Variants in PLEKHM3 observed in about 807,000 individuals in gnomAD.
PLEKHM3 encodes pleckstrin homology domain containing M3, also known as pleckstrin homology domain-containing family M member 3.
Under a neutral mutation model 81.8 loss-of-function variants are expected in PLEKHM3, and 45 were observed. The ratio of observed to expected loss-of-function variants is 0.55; its 90% CI spans 0.43 to 0.71. The LOEUF (loss-of-function observed/expected upper bound fraction) is 0.71. Among genes scored for constraint, PLEKHM3 ranks in the 30% least tolerant of loss-of-function variants. The probability of loss-of-function intolerance (pLI) is 0.00; values close to 1 mark genes in which losing one functional copy is unlikely to be tolerated. For synonymous variants in PLEKHM3, 352 were observed against 356.4 expected, an observed-to-expected ratio of 0.99 and a Z score of 0.14; for missense variants, 788 against 924.3, an observed-to-expected ratio of 0.85 and a Z score of 1.91.
chr2:208,018,694 C>A (rs1253276253), intron 1 of PLEKHM3, among the ~76,000 whole-genome samples: 1 of 152,150 alleles, frequency 6.6e-6, no homozygotes, highest in East Asian at 1.9e-4. Flanking sequence ...CAGTCTTACC[C>A]TCCTCTAATC....
chr2:207,864,058 T>C (rs941422795), intron 6 of PLEKHM3, among the ~76,000 whole-genome samples: 8 of 152,076 alleles, frequency 5.3e-5, no homozygotes, highest in African/African-American at 9.7e-5. Flanking sequence ...AGCTGTGTTT[T>C]TGCATTTGAA....
intron 1 of PLEKHM3, among the ~76,000 whole-genome samples, chr2:208,008,065 A>G (rs1574487671): frequency 6.6e-6 from 1 of 151,700 alleles, no homozygotes; most frequent in Non-Finnish European, 1.5e-5. Context: ...AAATAAATAA[A>G]TAAATAAAAC....
At chr2:207,832,812 G>GA (rs971344984) in intron 7 of PLEKHM3, among the ~76,000 whole-genome samples, 4 of 140,614 alleles carry the variant, frequency 2.8e-5, no homozygotes, top group African/African-American at 1.1e-4. Context: ...CCCCACACCA[G>GA]AAAAAAAAGA....
chr2:207,885,965 T>C (rs981901243), intron 6 of PLEKHM3, among the ~76,000 whole-genome samples: 2 of 152,136 alleles, frequency 1.3e-5, no homozygotes, highest in South Asian at 4.1e-4. Flanking sequence ...CTGGGAAGAA[T>C]CATATCTGAG....
At chr2:207,993,750 T>G (rs1326951317) in intron 2 of PLEKHM3, among the ~76,000 whole-genome samples, 1 of 152,130 alleles carries the variant, frequency 6.6e-6, no homozygotes, top group Non-Finnish European at 1.5e-5. Context: ...GATGAAAATG[T>G]GAACACAGTC....
chr2:208,015,239 G>A (rs1214899115), intron 1 of PLEKHM3, among the ~76,000 whole-genome samples: 2 of 152,168 alleles, frequency 1.3e-5, no homozygotes, highest in Non-Finnish European at 2.9e-5. Context: ...TGGTCAGTGA[G>A]TAGAAACAAG....
chr2:207,884,891 T>C (rs1199287303), intron 6 of PLEKHM3, among the ~76,000 whole-genome samples: 1 of 152,230 alleles, frequency 6.6e-6, no homozygotes, highest in Non-Finnish European at 1.5e-5. Flanking sequence ...TCCAGGTCCC[T>C]TTGGAGTGGA....
intron 6 of PLEKHM3, among the ~76,000 whole-genome samples, chr2:207,904,374 A>G (rs989074674): frequency 2.0e-5 from 3 of 152,154 alleles, no homozygotes; most frequent in Non-Finnish European, 1.5e-5. Flanking sequence ...CCTGTGTCTT[A>G]TGCTTCTTCC....
intron 3 of PLEKHM3, among the ~76,000 whole-genome samples, chr2:207,948,200 C>T (rs906029821): frequency 6.6e-6 from 1 of 152,160 alleles, no homozygotes; most frequent in African/African-American, 2.4e-5. Context: ...CATCTTGCCA[C>T]AGTCACAGGG....
Position 207,865,797 on chromosome 2 carries a change from AAAAAAGATATATATAT to A in PLEKHM3, c.1951-4551_1951-4536del, listed in dbSNP as rs1412163181. On this transcript the variant is annotated intron_variant, in intron 6 of 7. Transcript: ENST00000427836. The stretch of plus-strand genomic sequence containing the variant: ...ACTCCGACTCAAAAAAAAAAAAAAA[AAAAAAGATATATATAT>A]ATATATATATATATATATATATATA... Among the ~76,000 whole-genome samples the A allele has an allele frequency of 1.0e-3, 40 of 38,112 alleles. 3 individuals are homozygous for A. Among genetic ancestry groups the A allele is most frequent in the African/African-American group, 5.2e-3 (39 of 7,442 alleles). 25.0% of individuals were successfully genotyped at this position (38,112 alleles called of 152,430 possible). A position where few individuals can be genotyped will look rare whatever the true frequency, so the allele number is the denominator to read the frequency against.
chr2:207,985,131 C>T (rs1409142161), intron 2 of PLEKHM3, among the ~76,000 whole-genome samples: 1 of 152,012 alleles, frequency 6.6e-6, no homozygotes, highest in Non-Finnish European at 1.5e-5. Context: ...CCACTCTTAA[C>T]TCCACCATCT....
At chr2:207,904,212 C>A (rs1051167774) in intron 6 of PLEKHM3, among the ~76,000 whole-genome samples, 2 of 152,074 alleles carry the variant, frequency 1.3e-5, no homozygotes, top group African/African-American at 2.4e-5. Flanking sequence ...GCAGTACCTT[C>A]TGTTAAAGTT....
rs117852780 is a variant in PLEKHM3 at position 207,911,846 on chromosome 2, A to G, written c.1887-3269T>C. 4.6e-5 allele frequency among the ~76,000 whole-genome samples: 7 copies of G among 152,342 alleles called. No individual in the cohort carries two copies. In the East Asian group the frequency reaches 1.3e-3, roughly 29 times the overall value. ...TGGAGAAAGAGTTAAAAGGAAGATGAAATGATTTACGGCAGGGACAAATGC... is the reference window on the plus strand; with the variant it reads ...TGGAGAAAGAGTTAAAAGGAAGATGGAATGATTTACGGCAGGGACAAATGC... On this transcript the variant is annotated intron_variant, in intron 5 of 7. Coordinates refer to ENST00000427836, the MANE Select transcript of PLEKHM3 (RefSeq NM_001080475.3).
intron 1 of PLEKHM3, among the ~76,000 whole-genome samples, chr2:208,017,514 C>T (rs148213512): frequency 5.3e-5 from 8 of 152,166 alleles, no homozygotes; most frequent in South Asian, 2.1e-4. Flanking sequence ...GATTCAGTGG[C>T]GCAAGTGTTG....
At chr2:207,919,891 A>G (rs1689124480) in intron 5 of PLEKHM3, among the ~76,000 whole-genome samples, 1 of 152,160 alleles carries the variant, frequency 6.6e-6, no homozygotes, top group Non-Finnish European at 1.5e-5. Context: ...CTGGTCTAAG[A>G]GCAGAGTAAG....
intron 6 of PLEKHM3, among the ~76,000 whole-genome samples, chr2:207,886,851 C>A (rs895056178): frequency 3.3e-5 from 5 of 152,200 alleles, no homozygotes; most frequent in Non-Finnish European, 7.3e-5. Flanking sequence ...GAGGAATCCT[C>A]ATATAATAAT....
chr2:207,901,031 C>T, intron 6 of PLEKHM3: 1 of 548,038 alleles, frequency 1.8e-6, no homozygotes. Flanking sequence ...AAACACCATC[C>T]AACTCCACAG....
intron 6 of PLEKHM3, among the ~76,000 whole-genome samples, chr2:207,883,065 C>T (rs972489052): frequency 1.6e-4 from 24 of 152,120 alleles, no homozygotes; most frequent in Admixed American, 4.6e-4. Flanking sequence ...ACATACTCAA[C>T]TTAGGATGCT....
intron 3 of PLEKHM3, among the ~76,000 whole-genome samples, chr2:207,955,817 T>C (rs943589590): frequency 1.3e-5 from 2 of 152,136 alleles, no homozygotes; most frequent in African/African-American, 4.8e-5. Context: ...ATAATTTAGC[T>C]CATCAATGAA....
Sources: gnomAD v4.1 joint callset for allele counts (sites outside exome capture counted in the v4.1 genomes callset) on GRCh38, gnomAD v4.1.1 for gene constraint, MANE v1.5 for transcripts, NCBI Gene and HGNC (gene_info 2026-07-23, HGNC 2026-07-21) for gene names.